TENM4: variants seen among roughly 807,000 people sequenced by gnomAD.
The protein encoded by TENM4 is teneurin transmembrane protein 4, also known as teneurin-4.
TENM4 carries 82 observed loss-of-function variants against 243.3 expected under a neutral mutation model. The observed-to-expected ratio is 0.34, with a 90% CI of 0.28 to 0.40. TENM4 has a LOEUF of 0.40. Ranked by LOEUF, TENM4 falls within the 10% of genes least tolerant of loss-of-function variation. TENM4 has a pLI of 1.00. For synonymous variants in TENM4, 1,412 were observed against 1,456.3 expected, an observed-to-expected ratio of 0.97 and a Z score of 0.69; for missense variants, 3,138 against 3,673.3, an observed-to-expected ratio of 0.85 and a Z score of 3.77.
chr11:78,776,443 GTGGTAT>G (rs1372488552), intron 17 of TENM4, among the ~76,000 whole-genome samples: 2 of 152,102 alleles, frequency 1.3e-5, no homozygotes, highest in East Asian at 3.9e-4. Context: ...TATCTGTTAT[GTGGTAT>G]TCATATTTCC....
At chr11:79,087,580 C>T (rs755545167) in intron 4 of TENM4, among the ~76,000 whole-genome samples, 2 of 152,210 alleles carry the variant, frequency 1.3e-5, no homozygotes, top group Admixed American at 6.5e-5. Flanking sequence ...AACACAGAAG[C>T]GCTGAAAAGA....
chr11:79,364,571 T>C (rs150180556), intron 1 of TENM4, among the ~76,000 whole-genome samples: 126 of 152,334 alleles, frequency 8.3e-4, no homozygotes, highest in African/African-American at 2.9e-3. Context: ...TTATATGATA[T>C]TATTTAACAA....
intron 1 of TENM4, among the ~76,000 whole-genome samples, chr11:79,334,905 C>T (rs941286474): frequency 1.3e-5 from 2 of 152,238 alleles, no homozygotes; most frequent in Admixed American, 1.3e-4. Flanking sequence ...CACCAACTTC[C>T]CATGATTTCT....
rs144959918 is a variant in TENM4, at chr11:79,406,746, T to C, written c.-321+33763A>G. On this transcript the variant is annotated intron_variant, in intron 1 of 33. Transcript: ENST00000278550. ...AGCAGAATGGAGAATCTAGGTCTCCTGGCTCCTAAGTCTTATTTGATAATT... is the reference window on the plus strand; with the variant it reads ...AGCAGAATGGAGAATCTAGGTCTCCCGGCTCCTAAGTCTTATTTGATAATT... 5.7e-3 allele frequency among the ~76,000 whole-genome samples: 863 copies of C among 152,308 alleles called. 5 individuals are homozygous for C. The highest frequency in any genetic ancestry group is 1.0e-2 in the Non-Finnish European group (680 of 68,024).
chr11:78,906,654 T>G (rs1490335740), intron 6 of TENM4, among the ~76,000 whole-genome samples: 2 of 152,228 alleles, frequency 1.3e-5, no homozygotes, highest in African/African-American at 4.8e-5. Flanking sequence ...TCTTTTGAGC[T>G]CTCAGCTCAA....
intron 7 of TENM4, among the ~76,000 whole-genome samples, chr11:78,894,434 C>T (rs1181198993): frequency 6.6e-6 from 1 of 152,166 alleles, no homozygotes; most frequent in East Asian, 1.9e-4. Context: ...TAAGGATTTT[C>T]AAGTGACTGG....
At chr11:78,781,651 C>T (rs986257193) in intron 16 of TENM4, among the ~76,000 whole-genome samples, 18 of 152,138 alleles carry the variant, frequency 1.2e-4, no homozygotes, top group African/African-American at 4.3e-4. Flanking sequence ...AGAGGCTTTC[C>T]ATTCTTACTC....
At chr11:79,360,710 T>G (rs1338320517) in intron 1 of TENM4, among the ~76,000 whole-genome samples, 2 of 152,190 alleles carry the variant, frequency 1.3e-5, no homozygotes, top group African/African-American at 2.4e-5. Flanking sequence ...TCTCGAGACT[T>G]TATTTAAGGG....
chr11:79,346,945 C>G (rs1565309330), intron 1 of TENM4, among the ~76,000 whole-genome samples: 2 of 152,196 alleles, frequency 1.3e-5, no homozygotes, highest in Non-Finnish European at 2.9e-5. Flanking sequence ...CGGGGTTTCT[C>G]TCCTTATCCC....
intron 4 of TENM4, among the ~76,000 whole-genome samples, chr11:79,125,476 A>G (rs1171777498): frequency 6.6e-6 from 1 of 152,188 alleles, no homozygotes; most frequent in African/African-American, 2.4e-5. Context: ...ACCTGCAACA[A>G]AAGATGCATG....
At chr11:78,920,824 T>C (rs549584028) in intron 6 of TENM4, among the ~76,000 whole-genome samples, 2 of 152,206 alleles carry the variant, frequency 1.3e-5, no homozygotes, top group Non-Finnish European at 2.9e-5. Flanking sequence ...TGTATTTGAG[T>C]CTGTGGCTGT....
intron 2 of TENM4, among the ~76,000 whole-genome samples, chr11:79,217,930 G>T (rs985090628): frequency 6.6e-6 from 1 of 152,030 alleles, no homozygotes; most frequent in African/African-American, 2.4e-5. Context: ...TGGCCAGGCT[G>T]GTCTTGGACT....
At chr11:79,153,104 C>T (rs532262974) in intron 3 of TENM4, among the ~76,000 whole-genome samples, 45 of 152,282 alleles carry the variant, frequency 3.0e-4, no homozygotes, top group African/African-American at 8.7e-4. Context: ...ACACTTGTCA[C>T]GAAGCTAGAA....
At chr11:79,159,653 C>A (rs1274337430) in intron 3 of TENM4, among the ~76,000 whole-genome samples, 5 of 152,132 alleles carry the variant, frequency 3.3e-5, no homozygotes, top group African/African-American at 9.7e-5. Flanking sequence ...AGATGTTGAG[C>A]CTCTAGGTAG....
At chr11:78,845,496 C>T (rs964859530) in intron 12 of TENM4, among the ~76,000 whole-genome samples, 20 of 152,176 alleles carry the variant, frequency 1.3e-4, no homozygotes, top group African/African-American at 4.3e-4. Flanking sequence ...ATCTGGTCAG[C>T]TCTACCCCCA....
At chr11:78,981,155 G>A (rs1857784341) in intron 6 of TENM4, among the ~76,000 whole-genome samples, 1 of 152,120 alleles carries the variant, frequency 6.6e-6, no homozygotes, top group Admixed American at 6.5e-5. Context: ...ACAGGTGTGT[G>A]TATGCGAGGA....
intron 13 of TENM4, among the ~76,000 whole-genome samples, chr11:78,812,690 G>T (rs1370356319): frequency 6.6e-6 from 1 of 151,920 alleles, no homozygotes; most frequent in African/African-American, 2.4e-5. Context: ...CTCCTCCAGC[G>T]CTCTCCTCTA....
chr11:79,266,868 C>T (rs1855891955), intron 2 of TENM4, among the ~76,000 whole-genome samples: 1 of 152,006 alleles, frequency 6.6e-6, no homozygotes, highest in African/African-American at 2.4e-5. Context: ...GGATCTCTGC[C>T]CTTCAGTACC....
In TENM4 at chr11:78,669,999, T is replaced by C; in HGVS notation, c.6346A>G (p.Lys2116Glu). ...CCAAACTTCCCAAACTGCTCTGTCT[T>C]GCCTGACACATCATCATAGCGATAG... Reference protein sequence around the residue: ...DLYRYDDVSGKTEQFGKFGVI... With the variant: ...DLYRYDDVSGETEQFGKFGVI... Residue 2116 changes from lysine to glutamate, a missense_variant, in exon 32 of 34, where the codon AAG becomes GAG. By Grantham distance (56) the Lys-to-Glu change is moderately conservative (BLOSUM62 1). Coordinates refer to ENST00000278550, the MANE Select transcript of TENM4 (RefSeq NM_001098816.3). This position sits in a 1 kb window ranked among gnomAD's most constrained non-coding sequence, Gnocchi z 6.4. 2 of 1,613,964 alleles carry C rather than the reference T, an allele frequency of 1.2e-6. No individual in the cohort carries two copies. The highest frequency in any genetic ancestry group is 1.7e-6 in the Non-Finnish European group (2 of 1,179,884).
Sources: allele counts gnomAD v4.1 joint callset (sites outside exome capture counted in the v4.1 genomes callset), GRCh38; gene constraint gnomAD v4.1.1; non-coding constraint Gnocchi (gnomAD v3.1); transcripts MANE v1.5; gene names NCBI Gene and HGNC (gene_info 2026-07-23, HGNC 2026-07-21).